SLC12A7: variants seen among roughly 807,000 people sequenced by gnomAD.
The protein encoded by SLC12A7 is K-Cl cotransporter 4.
In SLC12A7, 100 loss-of-function variants were observed where a neutral mutation model predicts 120.6. That is an observed-to-expected ratio of 0.83 (90% CI 0.71 to 0.98). The LOEUF (loss-of-function observed/expected upper bound fraction) is 0.98, where lower values mean the gene tolerates loss of function less well. SLC12A7 is among the 50% of genes least tolerant of loss of function. The pLI, the probability that SLC12A7 is intolerant of heterozygous loss-of-function variation, is 0.00. For missense variants in SLC12A7, 1,373 were observed against 1,548.1 expected, an observed-to-expected ratio of 0.89 and a Z score of 1.90; for synonymous variants, 760 against 678.0, an observed-to-expected ratio of 1.12 and a Z score of -1.88.
At chr5:1,108,163 C>T (rs144294708) in intron 1 of SLC12A7, among the ~76,000 whole-genome samples, 1 of 152,244 alleles carries the variant, frequency 6.6e-6, no homozygotes, top group African/African-American at 2.4e-5. Context: ...TACACCTGCA[C>T]GCTCACAAGG....
intron 3 of SLC12A7, among the ~76,000 whole-genome samples, chr5:1,089,538 G>A (rs1223335247): frequency 1.3e-5 from 2 of 149,146 alleles, no homozygotes; most frequent in Non-Finnish European, 3.0e-5. Flanking sequence ...AGCAGAGCCA[G>A]CGGAGGGATG....
At chr5:1,064,456 T>TC (rs1736699850) in intron 18 of SLC12A7, among the ~76,000 whole-genome samples, 1 of 152,096 alleles carries the variant, frequency 6.6e-6, no homozygotes. Context: ...GTCCAGGGAA[T>TC]CCCCCAGCCC....
intron 15 of SLC12A7, 127 bp from the exon 16 acceptor site, chr5:1,074,798 A>T: frequency 1.2e-6 from 1 of 867,088 alleles, no homozygotes; most frequent in Non-Finnish European, 1.8e-6. Flanking sequence ...TCCCTGGATG[A>T]GGAGGGAGGC....
chr5:1,139,962 T>C, the SLC12A7 span, among the ~76,000 whole-genome samples: 1 of 152,210 alleles, frequency 6.6e-6, no homozygotes, highest in African/African-American at 2.4e-5. Flanking sequence ...ACCTCTGTGG[T>C]CACAGATGCG....
chr5:1,131,943 C>G, the SLC12A7 span, among the ~76,000 whole-genome samples: 1 of 152,214 alleles, frequency 6.6e-6, no homozygotes, highest in African/African-American at 2.4e-5. Flanking sequence ...ACCAGAGTGA[C>G]TCCATCTTGA....
At chr5:1,154,806 G>A in the SLC12A7 span, among the ~76,000 whole-genome samples, 1 of 152,210 alleles carries the variant, frequency 6.6e-6, no homozygotes, top group Non-Finnish European at 1.5e-5. Flanking sequence ...CCCTCACAGG[G>A]CAAGACATCG....
rs117792896 is a variant in SLC12A7, at chr5:1,097,620, G to C, written c.125-3372C>G. ...CCTGCGTGTGGGGCCAGCGAGGCAC[G>C]ACTCTGTCCTTCTGCTGCTTATTAA... On this transcript the variant is annotated intron_variant, in intron 1 of 23. Transcript: ENST00000264930. Among the ~76,000 whole-genome samples, 20 of 152,296 alleles carry C rather than the reference G, an allele frequency of 1.3e-4. No homozygotes were observed. The East Asian group carries it at 3.7e-3, about 28-fold the overall frequency.
In SLC12A7 at chr5:1,052,246, G is replaced by A. The variant is rs766720998; in HGVS notation, c.*114C>T. ...AGGAAGCCCCATGGGCAGCTTGGGCGGCATCACTGGGGGACAGGTGTGTCT... is the reference window on the plus strand; with the variant it reads ...AGGAAGCCCCATGGGCAGCTTGGGCAGCATCACTGGGGGACAGGTGTGTCT... On this transcript the variant is annotated 3_prime_UTR_variant, in exon 24 of 24. Coordinates refer to ENST00000264930, the MANE Select transcript of SLC12A7 (RefSeq NM_006598.3). 1.4e-5 allele frequency: 12 copies of A among 886,186 alleles called. No homozygotes were observed. The highest frequency in any genetic ancestry group is 4.8e-5 in the East Asian group (2 of 41,378). The allele number at this position is 886,186 out of a possible 1,614,324, so 54.9% of individuals were successfully genotyped here.
chr5:1,094,740 C>T (rs1351857771), intron 1 of SLC12A7, among the ~76,000 whole-genome samples: 2 of 152,186 alleles, frequency 1.3e-5, no homozygotes, highest in Non-Finnish European at 2.9e-5. Context: ...GCTTAATCCG[C>T]CATTTCGGAG....
At chr5:1,062,962 C>G (rs1378244035) in intron 20 of SLC12A7, 1 of 153,844 alleles carries the variant, frequency 6.5e-6, no homozygotes, top group African/African-American at 2.4e-5. Context: ...GGTCAGAACC[C>G]ACAAAGTCCC....
At chr5:1,139,729 G>A in the SLC12A7 span, among the ~76,000 whole-genome samples, 3 of 152,174 alleles carry the variant, frequency 2.0e-5, no homozygotes, top group African/African-American at 4.8e-5. Context: ...TGTGACCCAC[G>A]TCCCTCCTCC....
the SLC12A7 span, among the ~76,000 whole-genome samples, chr5:1,148,269 C>T: frequency 0.33 from 46,228 of 138,736 alleles, 8,019 homozygotes; most frequent in East Asian, 0.6. Context: ...TGCAGTGGTG[C>T]GATCTCCACT....
chr5:1,109,251 A>C (rs1475274548), intron 1 of SLC12A7, among the ~76,000 whole-genome samples: 1 of 151,956 alleles, frequency 6.6e-6, no homozygotes, highest in East Asian at 1.9e-4. Context: ...ACGCACCCCT[A>C]CAACCTGGGA....
At position 1,051,962 on chromosome 5, in the gene SLC12A7, C is replaced by T; in HGVS notation, c.*398G>A. 1 of 206,882 alleles carries T rather than the reference C, an allele frequency of 4.8e-6. No homozygotes were observed. Among genetic ancestry groups the T allele is most frequent in the Non-Finnish European group, 9.7e-6 (1 of 103,604 alleles). 12.8% of individuals were successfully genotyped at this position (206,882 alleles called of 1,614,324 possible). The stretch of plus-strand genomic sequence containing the variant: ...TCAGGGACAGCTTCAGCTCCGGGTG[C>T]TCTTCCAAGAATGTTCTGGATGGGG... On this transcript the variant is annotated 3_prime_UTR_variant, in exon 24 of 24. Transcript: ENST00000264930.
chr5:1,112,879 C>G (rs73031119), upstream of SLC12A7, among the ~76,000 whole-genome samples: 2 of 133,624 alleles, frequency 1.5e-5, no homozygotes, highest in Non-Finnish European at 1.6e-5. Context: ...AGTCCCCCCC[C>G]CCACCCATGA....
chr5:1,100,421 G>A (rs532447946), intron 1 of SLC12A7, among the ~76,000 whole-genome samples: 80 of 152,342 alleles, frequency 5.3e-4, no homozygotes, highest in African/African-American at 1.9e-3. Flanking sequence ...TCAAAGGCTC[G>A]ATGGTCTCGC....
At chr5:1,059,408 C>G (rs570358366) in intron 21 of SLC12A7, among the ~76,000 whole-genome samples, 1 of 152,322 alleles carries the variant, frequency 6.6e-6, no homozygotes, top group African/African-American at 2.4e-5. Flanking sequence ...GCAGGCAAAT[C>G]CCCTGCCCCT....
intron 1 of SLC12A7, among the ~76,000 whole-genome samples, chr5:1,096,434 A>C (rs1321148639): frequency 6.6e-6 from 1 of 152,092 alleles, no homozygotes; most frequent in Admixed American, 6.5e-5. Flanking sequence ...TCAACTAAGA[A>C]AATATGTCTA....
intron 21 of SLC12A7, among the ~76,000 whole-genome samples, chr5:1,059,632 G>A (rs1735977728): frequency 6.6e-6 from 1 of 152,186 alleles, no homozygotes; most frequent in Non-Finnish European, 1.5e-5. Context: ...TGGCCATGGG[G>A]CCCAGGCCAG....
Sources: gnomAD v4.1 joint callset for allele counts (sites outside exome capture counted in the v4.1 genomes callset) on GRCh38, gnomAD v4.1.1 for gene constraint, MANE v1.5 for transcripts, NCBI Gene and HGNC (gene_info 2026-07-23, HGNC 2026-07-21) for gene names.